Variants in ANKRD28 observed in about 807,000 individuals in gnomAD.
ANKRD28 encodes serine/threonine-protein phosphatase 6 regulatory ankyrin repeat subunit A.
Under a neutral mutation model 126.5 loss-of-function variants are expected in ANKRD28, and 44 were observed. That is an observed-to-expected ratio of 0.35 (90% CI 0.27 to 0.45). The LOEUF (loss-of-function observed/expected upper bound fraction) is 0.45, where lower values mean the gene tolerates loss of function less well. Among genes scored for constraint, ANKRD28 ranks in the 20% least tolerant of loss-of-function variants. The pLI is 1.00. For missense variants in ANKRD28, 1,110 were observed against 1,316.6 expected, an observed-to-expected ratio of 0.84 and a Z score of 2.43; for synonymous variants, 442 against 468.5, an observed-to-expected ratio of 0.94 and a Z score of 0.73.
intron 23 of ANKRD28, among the ~76,000 whole-genome samples, 168 bp downstream of exon 23, chr3:15,679,133 C>T (rs1449326794): frequency 1.3e-5 from 2 of 151,044 alleles, no homozygotes; most frequent in African/African-American, 4.9e-5. Context: ...CATCATCATG[C>T]ACTTTTTTTT....
intron 18 of ANKRD28, among the ~76,000 whole-genome samples, chr3:15,686,946 C>CTTT (rs368116430): frequency 1.4e-5 from 2 of 141,034 alleles, no homozygotes; most frequent in African/African-American, 2.6e-5. Context: ...CCTGATATTG[C>CTTT]TTTTTTTTTT....
chr3:15,713,475 C>A, intron 10 of ANKRD28, 52 bp downstream of exon 10: 3 of 1,423,648 alleles, frequency 2.1e-6, no homozygotes, highest in African/African-American at 2.9e-5. Flanking sequence ...CTGCAGTTCA[C>A]TTCCCTTTGT....
chr3:15,683,479 C>G (rs532293505), intron 21 of ANKRD28, among the ~76,000 whole-genome samples: 36 of 152,108 alleles, frequency 2.4e-4, no homozygotes, highest in Non-Finnish European at 5.0e-4. Context: ...AGAAGTTAAA[C>G]CCCAAAGGTT....
At chr3:15,743,577 C>G (rs1413514860) in intron 4 of ANKRD28, among the ~76,000 whole-genome samples, 1 of 151,694 alleles carries the variant, frequency 6.6e-6, no homozygotes, top group Non-Finnish European at 1.5e-5. Flanking sequence ...CACACACACA[C>G]ACACACACAC....
Position 15,694,787 on chromosome 3 carries a change from C to T in ANKRD28, c.1713G>A (p.Met571Ile). 1 of 1,613,538 alleles carries T rather than the reference C, an allele frequency of 6.2e-7. No individual in the cohort carries two copies. Among genetic ancestry groups the T allele is most frequent in the Non-Finnish European group, 8.5e-7 (1 of 1,179,520 alleles). The change falls in exon 17 of 28, where the codon ATG (methionine) becomes ATA (isoleucine). Residue 571 changes from methionine (M) to isoleucine (I), a missense_variant. Physicochemically the swap from Met to Ile is conservative, Grantham distance 10. Coordinates refer to ENST00000683139, the MANE Select transcript of ANKRD28 (RefSeq NM_001349278.2). ...DVLMETSGTDMLSDSDNRATI... is the reference protein window; with the variant it reads ...DVLMETSGTDILSDSDNRATI... ...TTGCTCTATTATCTGAATCACTCAGCATGTCTGTTCCTGAGGTTTCCATTA... is the reference window on the plus strand; with the variant it reads ...TTGCTCTATTATCTGAATCACTCAGTATGTCTGTTCCTGAGGTTTCCATTA...
chr3:15,678,881 G>A (rs55889332), intron 23 of ANKRD28, among the ~76,000 whole-genome samples: 24,008 of 152,046 alleles, frequency 0.16, 2,835 homozygotes, highest in East Asian at 0.56. Context: ...ATTTATACTC[G>A]CAAATATAAA....
At chr3:15,850,224 T>TATATAC (rs1418223588) in intron 1 of ANKRD28, among the ~76,000 whole-genome samples, 21 of 35,116 alleles carry the variant, frequency 6.0e-4, no homozygotes, top group African/African-American at 1.7e-3. Flanking sequence ...TATATATATA[T>TATATAC]AGAGAGAGAG....
intron 2 of ANKRD28, among the ~76,000 whole-genome samples, chr3:15,779,797 T>A (rs2059460706): frequency 6.6e-6 from 1 of 152,198 alleles, no homozygotes; most frequent in African/African-American, 2.4e-5. Flanking sequence ...TAATAATATA[T>A]AAAAATACAG....
rs959833348 is a variant in ANKRD28, at chr3:15,843,290, T to C, written c.27+16087A>G. 2.0e-5 allele frequency among the ~76,000 whole-genome samples: 3 copies of C among 152,134 alleles called. No individual in the cohort carries two copies. The highest frequency in any genetic ancestry group is 7.2e-5 in the African/African-American group (3 of 41,420). On this transcript the variant is annotated intron_variant, in intron 1 of 27. Transcript: ENST00000399451. The surrounding 1 kb of genome is among the most constrained non-coding windows in gnomAD (Gnocchi z 5.2). ...CATCAAGGGGATGGTGCTAAGCCAT[T>C]CATGAGAAATCTGCCCCCATGATCC...
intron 8 of ANKRD28, among the ~76,000 whole-genome samples, chr3:15,716,945 G>C (rs2126125512): frequency 6.6e-6 from 1 of 152,232 alleles, no homozygotes; most frequent in Non-Finnish European, 1.5e-5. Context: ...CTGGTCAACA[G>C]AGTGAGATTC....
At chr3:15,859,062 C>A (rs1221044876) in intron 1 of ANKRD28, among the ~76,000 whole-genome samples, 1 of 152,176 alleles carries the variant, frequency 6.6e-6, no homozygotes, top group Non-Finnish European at 1.5e-5. Context: ...AGGCCCGAGC[C>A]TCACCTGGCA....
In ANKRD28 at chr3:15,678,265, G is replaced by A. The variant is rs994313540; in HGVS notation, c.2651C>T (p.Ser884Phe). The A allele has an allele frequency of 9.3e-6, 15 of 1,612,972 alleles. No individual in the cohort carries two copies. The highest frequency in any genetic ancestry group is 1.0e-5 in the Non-Finnish European group (12 of 1,179,684). Residue 884 changes from serine to phenylalanine, a missense_variant, in exon 24 of 28, where the codon TCT (serine) becomes TTT (phenylalanine). Physicochemically the swap from Ser to Phe is radical, Grantham distance 155. Transcript: ENST00000683139. ...SHNAQVNSVD[S>F]TGKTPLMMAA... is the part of the protein sequence containing the mutation. ...CATCATAAGAGGTGTTTTCCCTGTA[G>A]AGTCCACAGAATTGACTTGAGCATT...
intron 7 of ANKRD28, among the ~76,000 whole-genome samples, chr3:15,721,462 G>C (rs1247056841): frequency 6.6e-6 from 1 of 152,102 alleles, no homozygotes; most frequent in Non-Finnish European, 1.5e-5. Context: ...ATTTACTATA[G>C]AATTAATTAT....
In ANKRD28 at chr3:15,852,031, G is replaced by A. The variant is rs146180289; in HGVS notation, c.27+7346C>T. Reference sequence around the variant, plus strand: ...AGGAAAAGTCTACAGAGACAGAATAGTAGTCGTCAAGAAGCTGGCAAGAAT... The same window carrying A: ...AGGAAAAGTCTACAGAGACAGAATAATAGTCGTCAAGAAGCTGGCAAGAAT... On this transcript the variant is annotated intron_variant, in intron 1 of 27. Transcript: ENST00000399451. 4.1e-3 allele frequency among the ~76,000 whole-genome samples: 631 copies of A among 152,296 alleles called. 5 individuals are homozygous for A. Among genetic ancestry groups the A allele is most frequent in the East Asian group, 0.019 (101 of 5,192 alleles).
chr3:15,815,238 G>A lies in ANKRD28; in HGVS notation c.28-19932C>T, dbSNP rs2060809003. ...AAAATTATGGAGCCATAATTCTCAAGTGCAATGACCTAGAAAGAACAAATG... is the reference window on the plus strand; with the variant it reads ...AAAATTATGGAGCCATAATTCTCAAATGCAATGACCTAGAAAGAACAAATG... On this transcript the variant is annotated intron_variant, in intron 1 of 27. Coordinates refer to the ANKRD28 transcript ENST00000399451. The surrounding 1 kb of genome is among the most constrained non-coding windows in gnomAD (Gnocchi z 4.1). 6.6e-6 allele frequency among the ~76,000 whole-genome samples: 1 copy of A among 152,028 alleles called. No homozygotes were observed. The highest frequency in any genetic ancestry group is 2.1e-4 in the South Asian group (1 of 4,816).
intron 3 of ANKRD28, among the ~76,000 whole-genome samples, chr3:15,761,380 T>C (rs942293575): frequency 9.9e-5 from 15 of 152,212 alleles, no homozygotes; most frequent in African/African-American, 3.6e-4. Flanking sequence ...TTCTCATCTT[T>C]ACCTAGAGAA....
At chr3:15,782,506 G>C (rs1274037264) in intron 2 of ANKRD28, among the ~76,000 whole-genome samples, 11 of 152,022 alleles carry the variant, frequency 7.2e-5, no homozygotes, top group African/African-American at 2.4e-5. Flanking sequence ...TTAAATGTGT[G>C]AACTCTGAAA....
At chr3:15,675,056 G>A (rs1427037162) in intron 27 of ANKRD28, among the ~76,000 whole-genome samples, 1 of 152,126 alleles carries the variant, frequency 6.6e-6, no homozygotes, top group African/African-American at 2.4e-5. Flanking sequence ...GATCACCTGA[G>A]GTCAGGGGTT....
At chr3:15,771,708 A>G (rs1296270812) in intron 2 of ANKRD28, among the ~76,000 whole-genome samples, 1 of 152,214 alleles carries the variant, frequency 6.6e-6, no homozygotes, top group African/African-American at 2.4e-5. Context: ...TCACATTTCA[A>G]CATGAGATTT....
Sources: gnomAD v4.1 joint callset for allele counts (sites outside exome capture counted in the v4.1 genomes callset) on GRCh38, gnomAD v4.1.1 for gene constraint, Gnocchi (gnomAD v3.1) non-coding constraint, MANE v1.5 for transcripts, NCBI Gene and HGNC (gene_info 2026-07-23, HGNC 2026-07-21) for gene names.